Variants in HDAC1 observed in about 807,000 individuals in gnomAD.
HDAC1 encodes histone deacetylase 1, also known as protein deacetylase HDAC1.
Under a neutral mutation model 65.5 loss-of-function variants are expected in HDAC1, and 18 were observed. That is an observed-to-expected ratio of 0.27 (90% confidence interval 0.19 to 0.41). The LOEUF (loss-of-function observed/expected upper bound fraction) is 0.41. Among genes scored for constraint, HDAC1 ranks in the 10% least tolerant of loss-of-function variants. The pLI, the probability that HDAC1 is intolerant of heterozygous loss-of-function variation, is 1.00. For synonymous variants in HDAC1, 211 were observed against 227.9 expected (o/e 0.93, Z 0.67); for missense variants, 373 against 625.2 (o/e 0.60, Z 4.30).
intron 2 of HDAC1, among the ~76,000 whole-genome samples, chr1:32,303,165 T>C (rs1220573414): frequency 1.3e-5 from 2 of 152,000 alleles, no homozygotes; most frequent in Admixed American, 1.3e-4. Context: ...AGAGCAAGAC[T>C]CTGTCTTAAA....
At chr1:32,308,619 T>C (rs554228316) in intron 2 of HDAC1, among the ~76,000 whole-genome samples, 40 of 151,244 alleles carry the variant, frequency 2.6e-4, no homozygotes, top group Non-Finnish European at 4.3e-4. Flanking sequence ...CTTGGGTTCA[T>C]GCCATTCTCC....
intron 2 of HDAC1, among the ~76,000 whole-genome samples, chr1:32,314,324 T>A (rs1052764167): frequency 6.6e-6 from 1 of 152,036 alleles, no homozygotes; most frequent in Non-Finnish European, 1.5e-5. Flanking sequence ...TCTTGAGTAG[T>A]TAGGACTATA....
rs903153131 is a variant in HDAC1, at chr1:32,312,340, A to T, written c.163-4325A>T. ...ATAGTTTCCTCCCTGTGAAATAAGG[A>T]TAATAATAGTATGAATTTTTTATTT... On this transcript the variant is annotated intron_variant, in intron 2 of 13. Transcript: ENST00000373548. 3.9e-5 allele frequency among the ~76,000 whole-genome samples: 6 copies of T among 151,912 alleles called. No homozygotes were observed. The South Asian group carries it at 1.2e-3, about 32-fold the overall frequency.
chr1:32,324,507 C>T lies in HDAC1; in HGVS notation c.309C>T (p.Phe103=), dbSNP rs765159228. The stretch of plus-strand genomic sequence containing the variant: ...ACGTTGGTGAGGACTGTCCAGTATT[C>T]GATGGCCTGTTTGAGTTCTGTCAGT... ...RFNVGEDCPV[F]DGLFEFCQLS... is the part of the protein sequence containing the mutation. Residue 103 remains phenylalanine (F), a synonymous_variant, in exon 4 of 14, where the codon TTC becomes TTT. Coordinates refer to ENST00000373548, the MANE Select transcript of HDAC1 (RefSeq NM_004964.3). The T allele has an allele frequency of 8.1e-6, 13 of 1,613,182 alleles. No individual in the cohort carries two copies. The highest frequency in any genetic ancestry group is 6.7e-5 in the East Asian group (3 of 44,882).
chr1:32,330,708 A>G lies in HDAC1; in HGVS notation c.838+22A>G. The G allele has an allele frequency of 6.2e-7, 1 of 1,613,742 alleles. No individual in the cohort carries two copies. Among genetic ancestry groups the G allele is most frequent in the Non-Finnish European group, 8.5e-7 (1 of 1,179,644 alleles). ...AAAGGTGAGACCAGGTAGCACAAGGATGGGTGGGCGGGGTCCTGCTTGGTG... is the reference window on the plus strand; with the variant it reads ...AAAGGTGAGACCAGGTAGCACAAGGGTGGGTGGGCGGGGTCCTGCTTGGTG... On this transcript the variant is annotated intron_variant, in intron 8 of 13. Coordinates refer to ENST00000373548, the MANE Select transcript of HDAC1 (RefSeq NM_004964.3). The surrounding 1 kb of genome is among the most constrained non-coding windows in gnomAD (Gnocchi z 4.2).
At chr1:32,325,249 A>G (rs911378770) in intron 4 of HDAC1, among the ~76,000 whole-genome samples, 4 of 152,206 alleles carry the variant, frequency 2.6e-5, no homozygotes, top group African/African-American at 9.7e-5. Context: ...CTCCTCATGT[A>G]TCTCCCACTT....
intron 2 of HDAC1, among the ~76,000 whole-genome samples, chr1:32,316,430 G>GAGTAA (rs1641065366): frequency 6.6e-6 from 1 of 152,218 alleles, no homozygotes; most frequent in African/African-American, 2.4e-5. Flanking sequence ...ACAGTAACTT[G>GAGTAA]CCTAAGCAAC....
At chr1:32,332,280 T>G in intron 12 of HDAC1, 38 bp downstream of exon 12, 1 of 1,582,226 alleles carries the variant, frequency 6.3e-7, no homozygotes, top group Non-Finnish European at 8.6e-7. Flanking sequence ...GTCTCGAGCC[T>G]GAGAGGATGA....
At position 32,329,460 on chromosome 1, in the gene HDAC1, T is replaced by G. The variant is rs1466029571; in HGVS notation, c.729+300T>G. On this transcript the variant is annotated intron_variant, in intron 7 of 13. Coordinates refer to ENST00000373548, the MANE Select transcript of HDAC1 (RefSeq NM_004964.3). This position sits in a 1 kb window ranked among gnomAD's most constrained non-coding sequence, Gnocchi z 4.1. The stretch of plus-strand genomic sequence containing the variant: ...CCCAGTAGTCTATGATTAGTACTGT[T>G]TTTGTATCTCCATTTCTTTGGGCTG... 2.0e-6 allele frequency: 1 copy of G among 491,980 alleles called. No individual in the cohort carries two copies. The highest frequency in any genetic ancestry group is 3.7e-6 in the Non-Finnish European group (1 of 271,678). 30.5% of individuals were successfully genotyped at this position (491,980 alleles called of 1,614,324 possible).
chr1:32,318,783 C>T (rs778765731), intron 3 of HDAC1, among the ~76,000 whole-genome samples: 3 of 152,038 alleles, frequency 2.0e-5, no homozygotes, highest in Non-Finnish European at 4.4e-5. Flanking sequence ...TGCTCTGGTG[C>T]GCCAATTTTT....
At position 32,331,743 on chromosome 1, in the gene HDAC1, G is replaced by A; in HGVS notation, c.1156G>A (p.Glu386Lys). The A allele has an allele frequency of 1.9e-6, 3 of 1,614,110 alleles. No individual in the cohort carries two copies. The highest frequency in any genetic ancestry group is 2.5e-6 in the Non-Finnish European group (3 of 1,179,992). ...TGGGGTCCAAATGCAGGCGATTCCT[G>A]AGGACGCCATCCCTGAGGAGAGTGG... Reference protein sequence around the residue: ...APGVQMQAIPEDAIPEESGDE... With the variant: ...APGVQMQAIPKDAIPEESGDE... Residue 386 changes from glutamate to lysine, a missense_variant, in exon 11 of 14, where the codon GAG becomes AAG. Around this residue, in one of 4 missense-constraint regions of HDAC1, gnomAD observed 126 missense variants for 126.2 expected, o/e 1.00. Transcript: ENST00000373548. This position sits in a 1 kb window ranked among gnomAD's most constrained non-coding sequence, Gnocchi z 4.2.
Position 32,333,488 on chromosome 1 carries a change from A to AAGTG in HDAC1, c.*447_*450dup, listed in dbSNP as rs2148074846. The AAGTG allele has an allele frequency of 6.5e-6, 1 of 153,816 alleles. No individual in the cohort carries two copies. Among genetic ancestry groups the AAGTG allele is most frequent in the South Asian group, 2.0e-4 (1 of 4,948 alleles). 9.5% of individuals were successfully genotyped at this position (153,816 alleles called of 1,614,324 possible). Reference sequence around the variant, plus strand: ...GTTTTCGTACCTTCCCACTGGCCTCAAGTGAGCCAAGAAACACTGCCTGCC... The same window carrying AAGTG: ...GTTTTCGTACCTTCCCACTGGCCTCAAGTGAGTGAGCCAAGAAACACTGCCTGCC... On this transcript the variant is annotated 3_prime_UTR_variant, in exon 14 of 14. Coordinates refer to ENST00000373548, the MANE Select transcript of HDAC1 (RefSeq NM_004964.3).
chr1:32,301,371 T>C (rs995050165), intron 1 of HDAC1, among the ~76,000 whole-genome samples: 6 of 150,384 alleles, frequency 4.0e-5, no homozygotes, highest in Non-Finnish European at 7.4e-5. Context: ...GCGTGAACCC[T>C]GGAGGCGGAG....
intron 2 of HDAC1, among the ~76,000 whole-genome samples, chr1:32,312,946 G>A (rs1209122767): frequency 2.6e-5 from 4 of 152,142 alleles, no homozygotes; most frequent in Admixed American, 2.6e-4. Context: ...AAAATGCTGG[G>A]ATTATAGGCG....
Position 32,331,797 on chromosome 1 carries a change from C to G in HDAC1, c.1210C>G (p.Arg404Gly). 6.2e-7 allele frequency: 1 copy of G among 1,611,018 alleles called. No homozygotes were observed. Among genetic ancestry groups the G allele is most frequent in the Non-Finnish European group, 8.5e-7 (1 of 1,178,444 alleles). Residue 404 changes from arginine to glycine, a missense_variant, in exon 11 of 14, where the codon CGC becomes GGC. This residue lies in a region of HDAC1 where 126 missense variants were observed against 126.2 expected (regional missense o/e 1.00). Coordinates refer to ENST00000373548, the MANE Select transcript of HDAC1 (RefSeq NM_004964.3). The surrounding 1 kb of genome is among the most constrained non-coding windows in gnomAD (Gnocchi z 4.2). The part of the protein sequence containing the change: ...GDEDEDDPDK[R>G]ISICSSDKRI... Reference sequence around the variant, plus strand: ...TGAGGACGAAGACGACCCTGACAAGCGCATCTCGAGTGAGACCCAGACCTA... The same window carrying G: ...TGAGGACGAAGACGACCCTGACAAGGGCATCTCGAGTGAGACCCAGACCTA...
rs1641271147 is a variant in HDAC1 at position 32,330,097 on chromosome 1, C to T, written c.730-481C>T. On this transcript the variant is annotated intron_variant, in intron 7 of 13. Transcript: ENST00000373548. This position sits in a 1 kb window ranked among gnomAD's most constrained non-coding sequence, Gnocchi z 4.2. ...AGTCATTCAGCAAACACTGACTGCCCACTATGTGCCTAGTATTTAATAAGG... is the reference window on the plus strand; with the variant it reads ...AGTCATTCAGCAAACACTGACTGCCTACTATGTGCCTAGTATTTAATAAGG... 6.1e-6 allele frequency: 1 copy of T among 165,138 alleles called. No individual in the cohort carries two copies. The highest frequency in any genetic ancestry group is 1.5e-4 in the South Asian group (1 of 6,650). 10.2% of individuals were successfully genotyped at this position (165,138 alleles called of 1,614,324 possible). A position where few individuals can be genotyped will look rare whatever the true frequency, so the allele number is the denominator to read the frequency against.
chr1:32,313,151 A>G (rs1469562072), intron 2 of HDAC1, among the ~76,000 whole-genome samples: 1 of 151,902 alleles, frequency 6.6e-6, no homozygotes, highest in East Asian at 1.9e-4. Context: ...GCTGGAACGC[A>G]GTGGCATGAT....
chr1:32,298,088 C>CTTT (rs1162166409), intron 1 of HDAC1, among the ~76,000 whole-genome samples: 6 of 113,624 alleles, frequency 5.3e-5, no homozygotes, highest in African/African-American at 2.0e-4. Flanking sequence ...CGCGCCCGGC[C>CTTT]TTTTTTTTTT....
chr1:32,329,233 C>T lies in HDAC1; in HGVS notation c.729+73C>T, dbSNP rs997050523. Reference sequence around the variant, plus strand: ...GCGGTGGAGGGGAGCAAAGCACCCCCACCATACCTCAGGAATCTCTCCTTA... The same window carrying T: ...GCGGTGGAGGGGAGCAAAGCACCCCTACCATACCTCAGGAATCTCTCCTTA... On this transcript the variant is annotated intron_variant, in intron 7 of 13. Transcript: ENST00000373548. The surrounding 1 kb of genome is among the most constrained non-coding windows in gnomAD (Gnocchi z 4.1). 1.2e-6 allele frequency: 1 copy of T among 862,546 alleles called. No homozygotes were observed. Among genetic ancestry groups the T allele is most frequent in the Non-Finnish European group, 2.0e-6 (1 of 495,006 alleles). 53.4% of individuals were successfully genotyped at this position (862,546 alleles called of 1,614,324 possible).
Sources: gnomAD v4.1 joint callset for allele counts (sites outside exome capture counted in the v4.1 genomes callset) on GRCh38, gnomAD v4.1.1 for gene constraint, gnomAD v4.1.1 regional missense constraint, Gnocchi (gnomAD v3.1) non-coding constraint, MANE v1.5 for transcripts, NCBI Gene and HGNC (gene_info 2026-07-23, HGNC 2026-07-21) for gene names.